The following CTNNA3 variants were observed in gnomAD, a reference collection of about 807,000 sequenced individuals.
CTNNA3 encodes catenin alpha 3.
A neutral mutation model predicts 95.7 loss-of-function variants in CTNNA3; 76 were observed. The ratio of observed to expected loss-of-function variants is 0.79; its 90% confidence interval spans 0.66 to 0.96. CTNNA3 has a LOEUF of 0.96. Ranked by LOEUF, CTNNA3 falls within the 40% of genes least tolerant of loss-of-function variation. The pLI is 0.00. For synonymous variants in CTNNA3, 431 were observed against 374.4 expected (o/e 1.15, Z -1.74); for missense variants, 1,191 against 1,089.8 (o/e 1.09, Z -1.31).
At chr10:67,742,730 A>G (rs1841349301) in intron 1 of CTNNA3, among the ~76,000 whole-genome samples, 1 of 151,130 alleles carries the variant, frequency 6.6e-6, no homozygotes, top group South Asian at 2.1e-4. Context: ...TTTTGAAAAG[A>G]TCAACAAAAT....
At chr10:66,241,582 G>A (rs1464148213) in intron 13 of CTNNA3, among the ~76,000 whole-genome samples, 1 of 152,064 alleles carries the variant, frequency 6.6e-6, no homozygotes, top group East Asian at 1.9e-4. Context: ...CACAAACACA[G>A]TGAGACTATT....
At chr10:66,897,933 T>C (rs576152529) in intron 7 of CTNNA3, among the ~76,000 whole-genome samples, 1 of 152,314 alleles carries the variant, frequency 6.6e-6, no homozygotes, top group Non-Finnish European at 1.5e-5. Context: ...AGGTGCCTTA[T>C]TGATATGGTT....
intron 3 of CTNNA3, among the ~76,000 whole-genome samples, chr10:67,571,319 TC>T (rs1328340594): frequency 6.6e-6 from 1 of 152,160 alleles, no homozygotes; most frequent in African/African-American, 2.4e-5. Context: ...ATTGTGTATC[TC>T]CATTTCCCTT....
At chr10:67,507,306 G>T (rs1331285228) in intron 5 of CTNNA3, among the ~76,000 whole-genome samples, 1 of 152,058 alleles carries the variant, frequency 6.6e-6, no homozygotes, top group African/African-American at 2.4e-5. Flanking sequence ...GAGGCAGGTG[G>T]ATCACGACGT....
intron 16 of CTNNA3, among the ~76,000 whole-genome samples, chr10:65,970,569 G>C (rs2078073918): frequency 6.6e-6 from 1 of 151,140 alleles, no homozygotes; most frequent in Non-Finnish European, 1.5e-5. Context: ...CAAAGTAAAG[G>C]GTTGAAGAAA....
At chr10:66,742,460 G>C (rs528523666) in intron 9 of CTNNA3, among the ~76,000 whole-genome samples, 15 of 152,194 alleles carry the variant, frequency 9.9e-5, no homozygotes, top group African/African-American at 3.6e-4. Context: ...CATTTGCCTT[G>C]TGATATCTTA....
At chr10:66,032,473 AT>A (rs200963857) in intron 15 of CTNNA3, among the ~76,000 whole-genome samples, 4 of 151,746 alleles carry the variant, frequency 2.6e-5, no homozygotes, top group Middle Eastern at 3.2e-3. Flanking sequence ...AATACTGCAG[AT>A]TTTTTTTTCC....
intron 14 of CTNNA3, among the ~76,000 whole-genome samples, chr10:66,100,031 G>T (rs59451630): frequency 0.015 from 2,254 of 152,096 alleles, 57 homozygotes; most frequent in African/African-American, 0.051. Context: ...TATATATGGA[G>T]TAATTTTCTT....
chr10:67,376,417 G>C (rs1212418201), intron 5 of CTNNA3, among the ~76,000 whole-genome samples: 1 of 152,176 alleles, frequency 6.6e-6, no homozygotes, highest in African/African-American at 2.4e-5. Flanking sequence ...CTACCTTATA[G>C]TCAATATCCT....
At chr10:66,360,596 C>CT (rs1364111628) in intron 12 of CTNNA3, among the ~76,000 whole-genome samples, 7 of 94,178 alleles carry the variant, frequency 7.4e-5, no homozygotes, top group African/African-American at 2.3e-4. Flanking sequence ...GTATTCTTTC[C>CT]TTCTTTCTTT....
In CTNNA3 at chr10:66,024,085, A is replaced by ATTTTTTTT. The variant is rs71474007; in HGVS notation, c.2160-35296_2160-35289dup. On this transcript the variant is annotated intron_variant, in intron 15 of 17. Coordinates refer to ENST00000433211, the MANE Select transcript of CTNNA3 (RefSeq NM_013266.4). ...TATCACAGAAACTTATACCATACACATTTTTTTTTTTTTTTTTTTTTTGAG... is the reference window on the plus strand; with the variant it reads ...TATCACAGAAACTTATACCATACACATTTTTTTTTTTTTTTTTTTTTTTTTTTTTTGAG... Among the ~76,000 whole-genome samples, 654 of 87,720 alleles carry ATTTTTTTT rather than the reference A, an allele frequency of 7.5e-3. 57 individuals are homozygous for ATTTTTTTT. Among genetic ancestry groups the ATTTTTTTT allele is most frequent in the Middle Eastern group, 0.016 (2 of 122 alleles). 57.5% of individuals were successfully genotyped at this position (87,720 alleles called of 152,430 possible). A position where few individuals can be genotyped will look rare whatever the true frequency, so the allele number is the denominator to read the frequency against.
intron 13 of CTNNA3, among the ~76,000 whole-genome samples, chr10:66,258,668 CAGCATATTTTTCAAA>C (rs896196490): frequency 6.6e-6 from 1 of 152,064 alleles, no homozygotes; most frequent in Non-Finnish European, 1.5e-5. Context: ...AAGCACCCCA[CAGCATATTTTTCAAA>C]AGCTTTAGAC....
At chr10:66,845,715 A>AAAAC (rs1554862164) in intron 7 of CTNNA3, among the ~76,000 whole-genome samples, 5 of 68,692 alleles carry the variant, frequency 7.3e-5, no homozygotes, top group Non-Finnish European at 1.2e-4. Flanking sequence ...AAAAAAAAAA[A>AAAAC]AAAAAAAAAA....
intron 10 of CTNNA3, among the ~76,000 whole-genome samples, chr10:66,572,388 A>T (rs1175656429): frequency 6.6e-6 from 1 of 151,976 alleles, no homozygotes; most frequent in Non-Finnish European, 1.5e-5. Flanking sequence ...TCTTAAAAAA[A>T]AAAAAAAATC....
chr10:66,690,487 C>A (rs1326140710), intron 9 of CTNNA3, among the ~76,000 whole-genome samples: 2 of 150,966 alleles, frequency 1.3e-5, no homozygotes, highest in Admixed American at 1.3e-4. Context: ...CCCCCCACCC[C>A]ACAACAGTCC....
chr10:67,032,779 T>G (rs1853813318), intron 7 of CTNNA3, among the ~76,000 whole-genome samples: 1 of 152,206 alleles, frequency 6.6e-6, no homozygotes, highest in South Asian at 2.1e-4. Flanking sequence ...TTTTCCTTTT[T>G]TTATGTGTTC....
intron 7 of CTNNA3, among the ~76,000 whole-genome samples, chr10:67,044,897 G>A (rs998478889): frequency 6.6e-6 from 1 of 152,052 alleles, no homozygotes; most frequent in Non-Finnish European, 1.5e-5. Context: ...CCTTCTTAGC[G>A]CCTCTATTTC....
intron 11 of CTNNA3, among the ~76,000 whole-genome samples, chr10:66,415,897 A>G (rs2093142157): frequency 6.6e-6 from 1 of 152,208 alleles, no homozygotes; most frequent in African/African-American, 2.4e-5. Context: ...CTGCTACATG[A>G]GATGCACGGA....
At chr10:67,270,325 C>T (rs1165620941) in intron 5 of CTNNA3, among the ~76,000 whole-genome samples, 5 of 151,904 alleles carry the variant, frequency 3.3e-5, no homozygotes, top group Admixed American at 3.3e-4. Flanking sequence ...AGGATAAAAG[C>T]AGCAAAGAAA....
Sources: allele counts gnomAD v4.1 joint callset (sites outside exome capture counted in the v4.1 genomes callset), GRCh38; gene constraint gnomAD v4.1.1; transcripts MANE v1.5; gene names NCBI Gene and HGNC (gene_info 2026-07-23, HGNC 2026-07-21).